Variants in FAM118A observed in about 807,000 individuals in gnomAD.
FAM118A encodes SIR2 antiphage like 2, also known as protein FAM118A.
A neutral mutation model predicts 38.2 loss-of-function variants in FAM118A; 25 were observed. That is an observed-to-expected ratio of 0.65 (90% CI 0.48 to 0.91). FAM118A has a LOEUF of 0.91. Among genes scored for constraint, FAM118A ranks in the 40% least tolerant of loss-of-function variants. The probability of loss-of-function intolerance (pLI) is 0.00; values close to 1 mark genes in which losing one functional copy is unlikely to be tolerated. For synonymous variants in FAM118A, 178 were observed against 184.1 expected, an observed-to-expected ratio of 0.97 and a Z score of 0.27; for missense variants, 425 against 463.3, an observed-to-expected ratio of 0.92 and a Z score of 0.76.
intron 6 of FAM118A, among the ~76,000 whole-genome samples, chr22:45,333,960 C>T (rs1164822880): frequency 6.6e-6 from 1 of 152,248 alleles, no homozygotes; most frequent in Non-Finnish European, 1.5e-5. Context: ...CTAGCTTTAT[C>T]AGTTGTGATA....
In FAM118A at chr22:45,340,560, G is replaced by T; in HGVS notation, c.*155G>T. 1 of 820,290 alleles carries T rather than the reference G, an allele frequency of 1.2e-6. No homozygotes were observed. Among genetic ancestry groups the T allele is most frequent in the Non-Finnish European group, 2.1e-6 (1 of 487,168 alleles). 50.8% of individuals were successfully genotyped at this position (820,290 alleles called of 1,614,324 possible). ...ACATGGGCATGTGGCCCTCAAGGCT[G>T]GGTGAGAGGGCTCCCCTGTGTGTTG... On this transcript the variant is annotated 3_prime_UTR_variant, in exon 9 of 9. Coordinates refer to ENST00000441876, the MANE Select transcript of FAM118A (RefSeq NM_017911.4).
intron 1 of FAM118A, among the ~76,000 whole-genome samples, chr22:45,311,924 T>C (rs558344572): frequency 6.6e-6 from 1 of 152,006 alleles, no homozygotes; most frequent in South Asian, 2.1e-4. Context: ...TGTGGTCGCC[T>C]TAGTGCTTCA....
At chr22:45,325,833 G>A (rs1041491862) in intron 3 of FAM118A, among the ~76,000 whole-genome samples, 3 of 152,096 alleles carry the variant, frequency 2.0e-5, no homozygotes, top group Non-Finnish European at 4.4e-5. Flanking sequence ...CACCTTCATC[G>A]GTGCAGGGAG....
rs1569130371 is a variant in FAM118A at position 45,322,410 on chromosome 22, A to C, written c.31A>C (p.Ser11Arg). The C allele has an allele frequency of 6.2e-7, 1 of 1,610,480 alleles. No individual in the cohort carries two copies. The highest frequency in any genetic ancestry group is 8.5e-7 in the Non-Finnish European group (1 of 1,179,210). Residue 11 changes from serine (S) to arginine (R), a missense_variant, in exon 2 of 9, where the codon AGT becomes CGT. Ser to Arg is a moderately radical substitution (Grantham distance 110). Coordinates refer to ENST00000441876, the MANE Select transcript of FAM118A (RefSeq NM_017911.4). MDSVEKTTNR[S>R]EQKSRKFLKS... ...TTCAGTGGAAAAGACAACAAATAGA[A>C]GTGAACAAAAATCCAGGTAATTAAA...
At chr22:45,313,059 A>G (rs1239611243) in intron 1 of FAM118A, among the ~76,000 whole-genome samples, 1 of 152,130 alleles carries the variant, frequency 6.6e-6, no homozygotes, top group African/African-American at 2.4e-5. Flanking sequence ...CCCCTTCTGA[A>G]GCTGCCCAGG....
At chr22:45,338,047 G>A (rs913400084) in intron 8 of FAM118A, 4 of 254,106 alleles carry the variant, frequency 1.6e-5, no homozygotes, top group Non-Finnish European at 2.5e-5. Flanking sequence ...ATGTATTTAG[G>A]TGGAAAACTT....
chr22:45,330,475 G>A (rs1219100680), intron 4 of FAM118A, 128 bp from the exon 5 acceptor site: 1 of 1,073,272 alleles, frequency 9.3e-7, no homozygotes, highest in Admixed American at 3.7e-5. Flanking sequence ...TAAGTGTAAA[G>A]TGAAGCATCT....
chr22:45,317,487 GA>G (rs1051019344), intron 1 of FAM118A, among the ~76,000 whole-genome samples: 2 of 152,212 alleles, frequency 1.3e-5, no homozygotes, highest in African/African-American at 4.8e-5. Context: ...GCTTGTAATG[GA>G]AAGCGAGTAA....
chr22:45,330,631 A>G lies in FAM118A; in HGVS notation c.551A>G (p.Lys184Arg), dbSNP rs1031798397. Residue 184 changes from lysine (K) to arginine (R), a missense_variant, in exon 5 of 9, where the codon AAG (lysine) becomes AGG (arginine). Lys to Arg is a conservative substitution (Grantham distance 26). Coordinates refer to ENST00000441876, the MANE Select transcript of FAM118A (RefSeq NM_017911.4). ...CTTGAATGGGCAAGAGGGCACATGAAGTACGGCGTCCTCCACATTCACGGC... is the reference window on the plus strand; with the variant it reads ...CTTGAATGGGCAAGAGGGCACATGAGGTACGGCGTCCTCCACATTCACGGC... The part of the protein sequence containing the change: ...KVLEWARGHM[K>R]YGVLHIHGLY... 2 of 1,582,096 alleles carry G rather than the reference A, an allele frequency of 1.3e-6. No individual in the cohort carries two copies. Among genetic ancestry groups the G allele is most frequent in the African/African-American group, 2.7e-5 (2 of 73,452 alleles).
intron 1 of FAM118A, among the ~76,000 whole-genome samples, chr22:45,312,568 G>C (rs909470623): frequency 7.9e-5 from 12 of 152,180 alleles, no homozygotes; most frequent in Admixed American, 2.0e-4. Context: ...CAGCTACTCA[G>C]GAGGCTGAGG....
chr22:45,333,025 G>C (rs748059365), intron 6 of FAM118A, among the ~76,000 whole-genome samples: 47 of 152,164 alleles, frequency 3.1e-4, no homozygotes, highest in Non-Finnish European at 5.0e-4. Flanking sequence ...TTACAGGCGA[G>C]AGCCACCGCG....
Position 45,330,740 on chromosome 22 carries a change from C to A in FAM118A, c.651+9C>A. The A allele has an allele frequency of 6.5e-7, 1 of 1,541,518 alleles. No homozygotes were observed. Among genetic ancestry groups the A allele is most frequent in the South Asian group, 1.2e-5 (1 of 80,704 alleles). ...AAGACGCAGAAGTCATGGTACGGCC[C>A]GTCCTAATTAGCATCGGTGCGTCCT... On this transcript the variant is annotated intron_variant, in intron 5 of 8. Transcript: ENST00000441876.
chr22:45,329,484 G>A (rs2085548132), intron 4 of FAM118A: 1 of 152,240 alleles, frequency 6.6e-6, no homozygotes, highest in South Asian at 2.1e-4. Flanking sequence ...GTAGTTTCAT[G>A]TGACTCTTGA....
Position 45,323,175 on chromosome 22 carries a change from A to G in FAM118A, c.48A>G (p.Arg16=). Residue 16 remains arginine (R), a splice_region_variant and synonymous_variant, in exon 3 of 9, where the codon AGA becomes AGG. Transcript: ENST00000441876. ...KTTNRSEQKS[R]KFLKSLIRKQ... The stretch of plus-strand genomic sequence containing the variant: ...CTCTTGCTCCCTTCTTTTCAAGTAG[A>G]AAGTTTTTAAAAAGCCTCATCCGGA... The G allele has an allele frequency of 2.5e-6, 4 of 1,608,152 alleles. No individual in the cohort carries two copies. Among genetic ancestry groups the G allele is most frequent in the Non-Finnish European group, 2.6e-6 (3 of 1,175,244 alleles).
At position 45,341,128 on chromosome 22, in the gene FAM118A, T is replaced by C. The variant is rs1316725583; in HGVS notation, c.*723T>C. The C allele has an allele frequency of 6.6e-6, 1 of 152,246 alleles. No individual in the cohort carries two copies. The highest frequency in any genetic ancestry group is 2.4e-5 in the African/African-American group (1 of 41,466). 9.4% of individuals were successfully genotyped at this position (152,246 alleles called of 1,614,324 possible). Reference sequence around the variant, plus strand: ...AAATAAACACATTTTATAATTTGTATGTGGAAACATGTTACTATAGAAAGC... The same window carrying C: ...AAATAAACACATTTTATAATTTGTACGTGGAAACATGTTACTATAGAAAGC... On this transcript the variant is annotated 3_prime_UTR_variant, in exon 9 of 9. Transcript: ENST00000441876.
chr22:45,311,133 C>A (rs1286996270), intron 1 of FAM118A, among the ~76,000 whole-genome samples: 1 of 151,960 alleles, frequency 6.6e-6, no homozygotes, highest in African/African-American at 2.4e-5. Context: ...TCTTAGGAGT[C>A]GTGGGGAGGA....
rs1378914852 is a variant in FAM118A, at chr22:45,330,700, A to G, written c.620A>G (p.Tyr207Cys). 6.3e-7 allele frequency: 1 copy of G among 1,586,530 alleles called. No homozygotes were observed. Among genetic ancestry groups the G allele is most frequent in the Non-Finnish European group, 8.6e-7 (1 of 1,169,466 alleles). Residue 207 changes from tyrosine (Y) to cysteine (C), a missense_variant, in exon 5 of 9, where the codon TAT becomes TGT. Physicochemically the swap from Tyr to Cys is radical, Grantham distance 194. Transcript: ENST00000441876. ...GGGGTGGTGCTGGACCCATCGGGGTATAAAGACGTCACTCAAGACGCAGAA... is the reference window on the plus strand; with the variant it reads ...GGGGTGGTGCTGGACCCATCGGGGTGTAAAGACGTCACTCAAGACGCAGAA... ...PCGVVLDPSGYKDVTQDAEVM... is the reference protein window; with the variant it reads ...PCGVVLDPSGCKDVTQDAEVM...
intron 5 of FAM118A, among the ~76,000 whole-genome samples, chr22:45,332,076 T>C (rs1381473101): frequency 2.0e-5 from 3 of 152,208 alleles, no homozygotes; most frequent in African/African-American, 7.2e-5. Flanking sequence ...TGAGAAGATT[T>C]GAGTTGGGTG....
At chr22:45,319,752 A>G (rs560356977) in intron 1 of FAM118A, among the ~76,000 whole-genome samples, 91 of 152,252 alleles carry the variant, frequency 6.0e-4, no homozygotes, top group African/African-American at 2.0e-3. Context: ...GAAAGTATCT[A>G]GTAGATTAAA....
Sources: allele counts gnomAD v4.1 joint callset (sites outside exome capture counted in the v4.1 genomes callset), GRCh38; gene constraint gnomAD v4.1.1; transcripts MANE v1.5; gene names NCBI Gene and HGNC (gene_info 2026-07-23, HGNC 2026-07-21).